MTUS2: variants seen among roughly 807,000 people sequenced by gnomAD.
MTUS2 encodes microtubule-associated tumor suppressor candidate 2.
In MTUS2, 40 loss-of-function variants were observed where a neutral mutation model predicts 114.1. The observed-to-expected ratio is 0.35, with a 90% CI of 0.27 to 0.46. The LOEUF is 0.46. Ranked by LOEUF, MTUS2 falls within the 20% of genes least tolerant of loss-of-function variation. The pLI is 1.00. For synonymous variants in MTUS2, 688 were observed against 672.0 expected, an observed-to-expected ratio of 1.02 and a Z score of -0.37; for missense variants, 1,679 against 1,705.4, an observed-to-expected ratio of 0.98 and a Z score of 0.27.
intron 2 of MTUS2, among the ~76,000 whole-genome samples, chr13:28,898,527 A>C (rs1231896588): frequency 6.6e-6 from 1 of 152,222 alleles, no homozygotes; most frequent in African/African-American, 2.4e-5. Context: ...GCAAGAGTAC[A>C]TGATGAACTA....
chr13:29,310,677 T>C (rs1360454079), intron 6 of MTUS2, among the ~76,000 whole-genome samples: 1 of 152,194 alleles, frequency 6.6e-6, no homozygotes, highest in African/African-American at 2.4e-5. Flanking sequence ...AAGAATGCAA[T>C]TCAAATCACA....
chr13:28,893,367 C>T (rs909493879), intron 2 of MTUS2, among the ~76,000 whole-genome samples: 65 of 152,216 alleles, frequency 4.3e-4, no homozygotes, highest in African/African-American at 1.5e-3. Flanking sequence ...TTCATTCTGT[C>T]TCCAGTTTAA....
intron 5 of MTUS2, among the ~76,000 whole-genome samples, chr13:29,241,028 T>C (rs1659345640): frequency 6.6e-6 from 1 of 152,228 alleles, no homozygotes; most frequent in Non-Finnish European, 1.5e-5. Flanking sequence ...TTTATGTTTT[T>C]AATTATTGAC....
intron 5 of MTUS2, among the ~76,000 whole-genome samples, chr13:29,202,785 G>C (rs899897263): frequency 6.6e-6 from 1 of 152,136 alleles, no homozygotes; most frequent in Admixed American, 6.5e-5. Context: ...GTCTGCTAGA[G>C]TTTGCTGGAG....
intron 2 of MTUS2, among the ~76,000 whole-genome samples, chr13:29,010,556 CT>C (rs1277962871): frequency 6.6e-6 from 1 of 152,108 alleles, no homozygotes; most frequent in African/African-American, 2.4e-5. Context: ...CCCTTTCCTT[CT>C]TTCCTTTGGG....
chr13:29,195,761 A>G (rs1045677902), intron 5 of MTUS2, among the ~76,000 whole-genome samples: 1 of 152,144 alleles, frequency 6.6e-6, no homozygotes, highest in African/African-American at 2.4e-5. Context: ...CATGAGGGGA[A>G]ACAATCTCAG....
At chr13:28,967,761 A>C (rs900286597) in intron 2 of MTUS2, among the ~76,000 whole-genome samples, 2 of 152,144 alleles carry the variant, frequency 1.3e-5, no homozygotes, top group South Asian at 4.1e-4. Context: ...TCTGTGCAAA[A>C]ATTCATCATC....
At chr13:29,266,641 C>T (rs1273273037) in intron 5 of MTUS2, among the ~76,000 whole-genome samples, 1 of 152,156 alleles carries the variant, frequency 6.6e-6, no homozygotes, top group African/African-American at 2.4e-5. Flanking sequence ...AACTTTTAAA[C>T]TATACATGGC....
intron 2 of MTUS2, among the ~76,000 whole-genome samples, chr13:28,902,896 G>A (rs1283419262): frequency 6.6e-6 from 1 of 152,080 alleles, no homozygotes; most frequent in Non-Finnish European, 1.5e-5. Context: ...TAAAATTAGT[G>A]CTAATTCTAC....
chr13:28,992,844 T>G (rs1481180576), intron 2 of MTUS2, among the ~76,000 whole-genome samples: 2 of 152,174 alleles, frequency 1.3e-5, no homozygotes, highest in Non-Finnish European at 2.9e-5. Context: ...CCAGAAGTCT[T>G]TCATCTTGCA....
chr13:29,153,241 C>G (rs1280122129), intron 5 of MTUS2, among the ~76,000 whole-genome samples: 1 of 152,148 alleles, frequency 6.6e-6, no homozygotes, highest in Non-Finnish European at 1.5e-5. Flanking sequence ...CAGTGCAGGT[C>G]CTGTTAACCT....
chr13:28,974,075 C>T (rs1021023434), intron 2 of MTUS2, among the ~76,000 whole-genome samples: 4 of 152,164 alleles, frequency 2.6e-5, no homozygotes, highest in South Asian at 2.1e-4. Context: ...TGTTATACTG[C>T]CCTCTTTGTC....
At chr13:29,232,503 G>A (rs1303517814) in intron 5 of MTUS2, among the ~76,000 whole-genome samples, 1 of 152,150 alleles carries the variant, frequency 6.6e-6, no homozygotes. Flanking sequence ...CTGGACTCCC[G>A]ACTCCGAGTT....
At chr13:29,393,657 A>G (rs1168940215) in intron 8 of MTUS2, among the ~76,000 whole-genome samples, 1 of 152,150 alleles carries the variant, frequency 6.6e-6, no homozygotes, top group Non-Finnish European at 1.5e-5. Context: ...GTCTCAGTCA[A>G]TTTAGGAAGT....
At chr13:29,439,074 C>T (rs1305597748) in intron 8 of MTUS2, among the ~76,000 whole-genome samples, 2 of 152,200 alleles carry the variant, frequency 1.3e-5, no homozygotes, top group Admixed American at 1.3e-4. Flanking sequence ...CCACATTTTA[C>T]TCAAAATTCC....
chr13:29,428,598 T>TAG, intron 8 of MTUS2: 1 of 155,460 alleles, frequency 6.4e-6, no homozygotes. Context: ...CCTTCCTGGC[T>TAG]CCCGCCCGCC....
chr13:28,931,850 C>G (rs1202382141), intron 2 of MTUS2, among the ~76,000 whole-genome samples: 3 of 152,116 alleles, frequency 2.0e-5, no homozygotes, highest in Admixed American at 2.0e-4. Flanking sequence ...CACAACAGTC[C>G]CCGTTGTGTG....
In MTUS2 at chr13:29,039,270, G is replaced by A. The variant is rs538475395; in HGVS notation, c.2446+5145G>A. Among the ~76,000 whole-genome samples the A allele has an allele frequency of 9.8e-5, 15 of 152,358 alleles. No homozygotes were observed. The East Asian group carries it at 2.9e-3, about 29-fold the overall frequency. ...TAGCTGCCCATGACAACAGTGCAGT[G>A]GTAGGGACCTTCCCTTAGAAATTCG... On this transcript the variant is annotated intron_variant, in intron 4 of 15. Coordinates refer to ENST00000612955, the MANE Select transcript of MTUS2 (RefSeq NM_001033602.4).
At chr13:29,193,887 A>AAAACAGAGATACAG (rs1894554142) in intron 5 of MTUS2, among the ~76,000 whole-genome samples, 1 of 152,226 alleles carries the variant, frequency 6.6e-6, no homozygotes, top group African/African-American at 2.4e-5. Flanking sequence ...TACTGGTACA[A>AAAACAGAGATACAG]AAACAGAGAT....
Sources: gnomAD v4.1 joint callset for allele counts (sites outside exome capture counted in the v4.1 genomes callset) on GRCh38, gnomAD v4.1.1 for gene constraint, MANE v1.5 for transcripts, NCBI Gene and HGNC (gene_info 2026-07-23, HGNC 2026-07-21) for gene names.